DNAH9: variants seen among roughly 807,000 people sequenced by gnomAD.
DNAH9 encodes the protein DNAH9 variant protein.
Under a neutral mutation model 471.6 loss-of-function variants are expected in DNAH9, and 345 were observed. That is an observed-to-expected ratio of 0.73 (90% CI 0.67 to 0.80). The LOEUF is 0.80. DNAH9 is among the 30% of genes least tolerant of loss of function. The pLI is 0.00. For synonymous variants in DNAH9, 2,093 were observed against 2,123.6 expected (o/e 0.99, Z 0.40); for missense variants, 5,407 against 5,609.2 (o/e 0.96, Z 1.15).
At position 11,644,697 on chromosome 17, in the gene DNAH9, A is replaced by G; in HGVS notation, c.1968A>G (p.Glu656=). 6.2e-7 allele frequency: 1 copy of G among 1,610,974 alleles called. No individual in the cohort carries two copies. Among genetic ancestry groups the G allele is most frequent in the Non-Finnish European group, 8.5e-7 (1 of 1,178,006 alleles). ...QKYEDMLSLL[E]KYETRLYEDW... ...ATGAAGATATGCTGTCATTGCTAGAAAAGTAAGCAACTTCTGGCATTGCGT... is the reference window on the plus strand; with the variant it reads ...ATGAAGATATGCTGTCATTGCTAGAGAAGTAAGCAACTTCTGGCATTGCGT... The change falls in exon 11 of 69, where the codon GAA becomes GAG. Residue 656 remains glutamate (E), a splice_region_variant and synonymous_variant. Coordinates refer to ENST00000262442, the MANE Select transcript of DNAH9 (RefSeq NM_001372.4).
At chr17:11,668,030 G>T (rs2073904657) in intron 15 of DNAH9, among the ~76,000 whole-genome samples, 1 of 152,152 alleles carries the variant, frequency 6.6e-6, no homozygotes. Flanking sequence ...AAAATAAGTG[G>T]TTATTGATAA....
chr17:11,711,976 ATATATTTATATATAAATATATATATTTG>A lies in DNAH9; in HGVS notation c.5552+6797_5552+6824del, dbSNP rs2074847304. 1.8e-4 allele frequency among the ~76,000 whole-genome samples: 2 copies of A among 10,966 alleles called. 1 individual carries two copies. Among genetic ancestry groups the A allele is most frequent in the Admixed American group, 5.7e-3 (2 of 350 alleles). The allele number at this position is 10,966 out of a possible 152,430, so 7.2% of individuals were successfully genotyped here. On this transcript the variant is annotated intron_variant, in intron 26 of 68. Coordinates refer to ENST00000262442, the MANE Select transcript of DNAH9 (RefSeq NM_001372.4). The stretch of plus-strand genomic sequence containing the variant: ...TATATATAAATATATATATTTGTAT[ATATATTTATATATAAATATATATATTTG>A]TATATATATTTATATATAAATATAT...
At chr17:11,610,627 G>T in intron 3 of DNAH9, 73 bp downstream of exon 3, 1 of 1,458,834 alleles carries the variant, frequency 6.9e-7, no homozygotes, top group Non-Finnish European at 9.4e-7. Context: ...AGCTTTCCTG[G>T]GTTAAGCCAC....
chr17:11,966,655 CTG>C (rs1976750804), intron 68 of DNAH9, among the ~76,000 whole-genome samples: 1 of 152,094 alleles, frequency 6.6e-6, no homozygotes, highest in South Asian at 2.1e-4. Flanking sequence ...AATTATAAAT[CTG>C]TGTTGATGGA....
At chr17:11,771,944 C>T (rs553612744) in intron 38 of DNAH9, among the ~76,000 whole-genome samples, 1 of 152,094 alleles carries the variant, frequency 6.6e-6, no homozygotes, top group Non-Finnish European at 1.5e-5. Flanking sequence ...TCATTTTATA[C>T]ATGAGAAAAC....
At chr17:11,681,513 C>T (rs1464071996) in intron 19 of DNAH9, among the ~76,000 whole-genome samples, 5 of 152,212 alleles carry the variant, frequency 3.3e-5, no homozygotes, top group African/African-American at 1.2e-4. Context: ...TCAGCATCAA[C>T]GGCTCCAACC....
chr17:11,634,489 G>A (rs2073124441), intron 8 of DNAH9, among the ~76,000 whole-genome samples: 1 of 152,098 alleles, frequency 6.6e-6, no homozygotes, highest in African/African-American at 2.4e-5. Flanking sequence ...GTGAACAGAC[G>A]GTGCAGGTTG....
At chr17:11,735,409 A>AT (rs765152802) in intron 28 of DNAH9, among the ~76,000 whole-genome samples, 73 of 150,028 alleles carry the variant, frequency 4.9e-4, no homozygotes, top group Non-Finnish European at 7.3e-4. Flanking sequence ...ATAGCTTTCC[A>AT]TTTTTTTTTG....
chr17:11,953,382 T>TC lies in DNAH9; in HGVS notation c.12844-8481dup, dbSNP rs573056396. ...ACATCAGTGGCTTTACCTTGCTTTTTCCCCTCCTTATCACTCTCATTCACC... is the reference window on the plus strand; with the variant it reads ...ACATCAGTGGCTTTACCTTGCTTTTTCCCCCTCCTTATCACTCTCATTCACC... On this transcript the variant is annotated intron_variant, in intron 67 of 68. Transcript: ENST00000262442. Among the ~76,000 whole-genome samples the TC allele has an allele frequency of 1.2e-3, 176 of 152,302 alleles. 1 individual carries two copies. The highest frequency in any genetic ancestry group is 3.8e-3 in the African/African-American group (158 of 41,556).
intron 59 of DNAH9, among the ~76,000 whole-genome samples, chr17:11,899,182 T>TAAA (rs141389733): frequency 8.3e-6 from 1 of 120,516 alleles, no homozygotes; most frequent in Non-Finnish European, 1.9e-5. Flanking sequence ...ACATGATTTT[T>TAAA]TAAAAAAAAA....
At chr17:11,829,627 G>A (rs7224216) in intron 48 of DNAH9, among the ~76,000 whole-genome samples, 100,290 of 151,828 alleles carry the variant, frequency 0.66, 33,234 homozygotes, top group African/African-American at 0.7. Context: ...GCGTGCCACC[G>A]TGCCCAGCTA....
At chr17:11,734,813 T>C (rs930340662) in intron 28 of DNAH9, among the ~76,000 whole-genome samples, 1 of 152,228 alleles carries the variant, frequency 6.6e-6, no homozygotes, top group Non-Finnish European at 1.5e-5. Flanking sequence ...TGCTCCGAAG[T>C]TATCTACATC....
intron 49 of DNAH9, among the ~76,000 whole-genome samples, chr17:11,838,858 C>A (rs1041335037): frequency 6.6e-6 from 1 of 152,178 alleles, no homozygotes; most frequent in African/African-American, 2.4e-5. Context: ...GTCTTTAAAC[C>A]CTTCTGCACT....
At chr17:11,911,963 C>T (rs545311163) in intron 61 of DNAH9, among the ~76,000 whole-genome samples, 25 of 152,316 alleles carry the variant, frequency 1.6e-4, no homozygotes, top group Non-Finnish European at 2.2e-4. Context: ...TTTCCAGTTA[C>T]AAGACCATGT....
chr17:11,834,082 C>A (rs9901131), intron 48 of DNAH9, among the ~76,000 whole-genome samples: 49,276 of 151,436 alleles, frequency 0.33, 8,198 homozygotes, highest in East Asian at 0.44. Flanking sequence ...TAATTTCAAC[C>A]CTTTGGGAGG....
At chr17:11,683,260 G>A (rs372192132) in intron 19 of DNAH9, among the ~76,000 whole-genome samples, 13 of 152,144 alleles carry the variant, frequency 8.5e-5, no homozygotes, top group Middle Eastern at 3.4e-3. Context: ...TGCAACCTCC[G>A]CCTCCTGGAT....
At position 11,892,537 on chromosome 17, in the gene DNAH9, A is replaced by T. The variant is rs1222158121; in HGVS notation, c.11283+590A>T. Among the ~76,000 whole-genome samples the T allele has an allele frequency of 1.3e-5, 2 of 152,036 alleles. No homozygotes were observed. The highest frequency in any genetic ancestry group is 2.9e-5 in the Non-Finnish European group (2 of 68,008). ...TTCTAGTTATTCTCAACATCAAAAA[A>T]CCATGAAAATTTACTTCCTTTTTTT... On this transcript the variant is annotated intron_variant, in intron 58 of 68. Coordinates refer to ENST00000262442, the MANE Select transcript of DNAH9 (RefSeq NM_001372.4). This position sits in a 1 kb window ranked among gnomAD's most constrained non-coding sequence, Gnocchi z 4.3.
intron 20 of DNAH9, among the ~76,000 whole-genome samples, chr17:11,692,589 A>G (rs964675738): frequency 2.0e-5 from 3 of 152,184 alleles, no homozygotes; most frequent in Non-Finnish European, 4.4e-5. Flanking sequence ...CAAGTGTTGT[A>G]TACCTGGGGC....
rs1302067677 is a variant in DNAH9, at chr17:11,652,900, A to G, written c.2493A>G (p.Gly831=). 3.1e-6 allele frequency: 5 copies of G among 1,613,740 alleles called. No individual in the cohort carries two copies. Among genetic ancestry groups the G allele is most frequent in the African/African-American group, 2.7e-5 (2 of 74,934 alleles). The change falls in exon 14 of 69, where the codon GGA becomes GGG. Residue 831 remains glycine, a synonymous_variant. Transcript: ENST00000262442. ...WVTPIFKTKD[G]KRESLLSLDD... Reference sequence around the variant, plus strand: ...CTCCAATATTTAAGACAAAAGATGGAAAAAGGGAATCCCTTCTTTCTCTGG... The same window carrying G: ...CTCCAATATTTAAGACAAAAGATGGGAAAAGGGAATCCCTTCTTTCTCTGG...
Sources: allele counts gnomAD v4.1 joint callset (sites outside exome capture counted in the v4.1 genomes callset), GRCh38; gene constraint gnomAD v4.1.1; non-coding constraint Gnocchi (gnomAD v3.1); transcripts MANE v1.5; gene names NCBI Gene and HGNC (gene_info 2026-07-23, HGNC 2026-07-21).